LDLRAD4: variants seen among roughly 807,000 people sequenced by gnomAD.
The protein encoded by LDLRAD4 is low density lipoprotein receptor class A domain containing 4.
In LDLRAD4, 5 loss-of-function variants were observed where a neutral mutation model predicts 17.0. The observed-to-expected ratio is 0.29, with a 90% CI of 0.15 to 0.62. LDLRAD4 has a LOEUF of 0.62. LDLRAD4 is among the 20% of genes least tolerant of loss of function. The pLI is 0.84. For missense variants in LDLRAD4, 340 were observed against 424.7 expected (o/e 0.80, Z 1.75); for synonymous variants, 168 against 171.8 (o/e 0.98, Z 0.17).
chr18:13,338,176 A>G (rs2082200056), intron 1 of LDLRAD4, among the ~76,000 whole-genome samples: 1 of 152,168 alleles, frequency 6.6e-6, no homozygotes, highest in Non-Finnish European at 1.5e-5. Flanking sequence ...CCTTGCTCAC[A>G]ACTTCTCTGA....
intron 3 of LDLRAD4, among the ~76,000 whole-genome samples, chr18:13,443,551 T>C (rs2091173743): frequency 6.6e-6 from 1 of 152,242 alleles, no homozygotes; most frequent in Non-Finnish European, 1.5e-5. Flanking sequence ...GTTATAAACA[T>C]GTGTTTCGGT....
intron 1 of LDLRAD4, among the ~76,000 whole-genome samples, chr18:13,219,857 G>A (rs2041355967): frequency 6.6e-6 from 1 of 152,208 alleles, no homozygotes; most frequent in Non-Finnish European, 1.5e-5. Context: ...GACTGCCATT[G>A]CATCAAGTCA....
At chr18:13,302,729 A>G (rs1034768723) in intron 1 of LDLRAD4, among the ~76,000 whole-genome samples, 11 of 152,234 alleles carry the variant, frequency 7.2e-5, no homozygotes, top group African/African-American at 2.7e-4. Flanking sequence ...CTGCTGTTAC[A>G]CGCAGTTATG....
chr18:13,386,935 GATAGATAGATA>G (rs1568082827), intron 1 of LDLRAD4, among the ~76,000 whole-genome samples: 49 of 125,738 alleles, frequency 3.9e-4, no homozygotes, highest in East Asian at 2.3e-3. Flanking sequence ...TAGATAGATA[GATAGATAGATA>G]GATGGATGGA....
chr18:13,296,955 GCAGT>G (rs1214645376), intron 1 of LDLRAD4, among the ~76,000 whole-genome samples: 4 of 152,172 alleles, frequency 2.6e-5, no homozygotes, highest in Non-Finnish European at 5.9e-5. Flanking sequence ...TGTGCCCTGG[GCAGT>G]CAGTTCACCT....
chr18:13,401,106 G>A (rs886949348), intron 2 of LDLRAD4, among the ~76,000 whole-genome samples: 7 of 152,170 alleles, frequency 4.6e-5, no homozygotes, highest in Non-Finnish European at 1.0e-4. Context: ...GGGAGGGCAA[G>A]GGCACATAGA....
At chr18:13,269,579 G>A (rs1462806309) in intron 1 of LDLRAD4, among the ~76,000 whole-genome samples, 1 of 149,518 alleles carries the variant, frequency 6.7e-6, no homozygotes, top group Non-Finnish European at 1.5e-5. Flanking sequence ...TTTTTTTCCT[G>A]AGGGGAAGCC....
intron 3 of LDLRAD4, among the ~76,000 whole-genome samples, chr18:13,588,591 T>G (rs1387104191): frequency 6.6e-6 from 1 of 152,184 alleles, no homozygotes; most frequent in East Asian, 1.9e-4. Flanking sequence ...TTAGGGTCTC[T>G]GGTTGTTACC....
At chr18:13,583,958 C>T (rs2148472421) in intron 3 of LDLRAD4, among the ~76,000 whole-genome samples, 1 of 152,274 alleles carries the variant, frequency 6.6e-6, no homozygotes, top group African/African-American at 2.4e-5. Flanking sequence ...GCCTGCCGTG[C>T]CCTTCCCATC....
chr18:13,379,960 A>G (rs1168268378), intron 1 of LDLRAD4, among the ~76,000 whole-genome samples: 5 of 98,538 alleles, frequency 5.1e-5, no homozygotes, highest in African/African-American at 1.9e-4. Context: ...AGGATTGCAG[A>G]GGCCTGCCCC....
intron 3 of LDLRAD4, among the ~76,000 whole-genome samples, chr18:13,580,493 G>T (rs929114826): frequency 6.6e-6 from 1 of 152,264 alleles, no homozygotes; most frequent in Non-Finnish European, 1.5e-5. Context: ...CCTGATGCTT[G>T]ATGAGTGTCG....
intron 1 of LDLRAD4, among the ~76,000 whole-genome samples, chr18:13,353,998 C>A (rs1046794425): frequency 6.6e-6 from 1 of 151,638 alleles, no homozygotes; most frequent in African/African-American, 2.4e-5. Flanking sequence ...AGATAATATT[C>A]TTTTTTTTTC....
chr18:13,247,751 G>A (rs1730687443), intron 1 of LDLRAD4, among the ~76,000 whole-genome samples: 1 of 152,076 alleles, frequency 6.6e-6, no homozygotes, highest in African/African-American at 2.4e-5. Flanking sequence ...TGCTGATGGC[G>A]CTCCAGGGTT....
chr18:13,578,022 G>A (rs1380802276), intron 3 of LDLRAD4, among the ~76,000 whole-genome samples: 5 of 152,180 alleles, frequency 3.3e-5, no homozygotes, highest in Admixed American at 6.5e-5. Context: ...GGAGGTCAGT[G>A]CCTCCTACTT....
intron 3 of LDLRAD4, among the ~76,000 whole-genome samples, chr18:13,573,491 C>T (rs1405300693): frequency 4.6e-5 from 7 of 152,116 alleles, no homozygotes; most frequent in South Asian, 2.1e-4. Flanking sequence ...CTGCCCACCT[C>T]GGCCTCCCAA....
At chr18:13,374,356 GCTGT>G (rs2084744025) in intron 1 of LDLRAD4, among the ~76,000 whole-genome samples, 1 of 152,244 alleles carries the variant, frequency 6.6e-6, no homozygotes, top group Admixed American at 6.5e-5. Flanking sequence ...TGCAGGAGTG[GCTGT>G]CTGTCCATTG....
chr18:13,391,710 C>T (rs1320229055), intron 2 of LDLRAD4, among the ~76,000 whole-genome samples: 1 of 152,180 alleles, frequency 6.6e-6, no homozygotes, highest in East Asian at 1.9e-4. Flanking sequence ...CGCATCTTTG[C>T]CATGTGACTC....
rs187059127 is a variant in LDLRAD4 at position 13,466,883 on chromosome 18, A to T, written c.181+28499A>T. ...GCTCTCTGGGATCTCTTTTATAAGG[A>T]CACTAATCCCATTTATGAGGGCTCC... is the stretch of plus-strand genomic sequence containing the variant. On this transcript the variant is annotated intron_variant, in intron 3 of 5. Transcript: ENST00000359446. 3.5e-4 allele frequency among the ~76,000 whole-genome samples: 53 copies of T among 152,278 alleles called. No homozygotes were observed. In the East Asian group the frequency reaches 8.7e-3, roughly 25 times the overall value.
At chr18:13,246,482 A>G (rs1457718852) in intron 1 of LDLRAD4, among the ~76,000 whole-genome samples, 1 of 152,200 alleles carries the variant, frequency 6.6e-6, no homozygotes, top group Non-Finnish European at 1.5e-5. Context: ...TGATGAGGAG[A>G]TGGGGAGTGA....
Sources: allele counts gnomAD v4.1 joint callset (sites outside exome capture counted in the v4.1 genomes callset), GRCh38; gene constraint gnomAD v4.1.1; transcripts MANE v1.5; gene names NCBI Gene and HGNC (gene_info 2026-07-23, HGNC 2026-07-21).